The following SNAP47 variants were observed in gnomAD, a reference collection of about 807,000 sequenced individuals.
The protein encoded by SNAP47 is synaptosomal-associated protein 47.
In SNAP47, 20 loss-of-function variants were observed where a neutral mutation model predicts 31.4. The observed-to-expected ratio is 0.64, with a 90% CI of 0.45 to 0.93. The LOEUF (loss-of-function observed/expected upper bound fraction) is 0.93, where lower values mean the gene tolerates loss of function less well. Ranked by LOEUF, SNAP47 falls within the 40% of genes least tolerant of loss-of-function variation. The pLI is 0.00. For synonymous variants in SNAP47, 194 were observed against 213.4 expected, an observed-to-expected ratio of 0.91 and a Z score of 0.79; for missense variants, 492 against 528.5, an observed-to-expected ratio of 0.93 and a Z score of 0.68.
At chr1:227,737,619 T>C (rs534507608) in intron 1 of SNAP47, among the ~76,000 whole-genome samples, 1 of 152,278 alleles carries the variant, frequency 6.6e-6, no homozygotes, top group South Asian at 2.1e-4. Flanking sequence ...CTAGGAGTGC[T>C]GGGGCTCTGA....
intron 1 of SNAP47, chr1:227,736,502 GTTTTTTTTTTTTTTTTTTTTTT>G (rs71180760): frequency 4.5e-5 from 2 of 44,372 alleles, no homozygotes; most frequent in African/African-American, 8.8e-5. Flanking sequence ...GCCCAGAGCA[GTTTTTTTTTTTTTTTTTTTTTT>G]TTTTTTTTTT....
At chr1:227,751,956 G>C (rs1662400402) in intron 2 of SNAP47, among the ~76,000 whole-genome samples, 1 of 151,814 alleles carries the variant, frequency 6.6e-6, no homozygotes, top group East Asian at 1.9e-4. Flanking sequence ...TAGTAGAGAT[G>C]GGGTTTCACC....
intron 1 of SNAP47, among the ~76,000 whole-genome samples, chr1:227,736,645 A>G (rs987565359): frequency 2.0e-5 from 3 of 147,180 alleles, no homozygotes; most frequent in Admixed American, 1.4e-4. Context: ...GACTACAGGC[A>G]TGAGCCACTA....
At chr1:227,774,252 C>T (rs1460456953) in intron 4 of SNAP47, among the ~76,000 whole-genome samples, 2 of 152,258 alleles carry the variant, frequency 1.3e-5, no homozygotes, top group Non-Finnish European at 2.9e-5. Context: ...GGATCCTCTG[C>T]TTAGCTGTTC....
intron 4 of SNAP47, among the ~76,000 whole-genome samples, chr1:227,779,148 C>G (rs1664317789): frequency 6.6e-6 from 1 of 152,218 alleles, no homozygotes; most frequent in South Asian, 2.1e-4. Context: ...CATTTGTGAT[C>G]TCATGTGAGC....
At chr1:227,766,121 G>A (rs1338341461) in intron 3 of SNAP47, among the ~76,000 whole-genome samples, 1 of 152,106 alleles carries the variant, frequency 6.6e-6, no homozygotes, top group Non-Finnish European at 1.5e-5. Context: ...TACGGGCTCT[G>A]CTGGCTGAGG....
At chr1:227,767,566 TG>T (rs1663509157) in intron 4 of SNAP47, among the ~76,000 whole-genome samples, 8 of 146,834 alleles carry the variant, frequency 5.4e-5, no homozygotes, top group Non-Finnish European at 9.2e-5. Flanking sequence ...TTGTGTGTGT[TG>T]TGTGTGTATG....
upstream of SNAP47, among the ~76,000 whole-genome samples, chr1:227,730,213 C>T (rs1660551332): frequency 6.6e-6 from 1 of 152,170 alleles, no homozygotes; most frequent in Non-Finnish European, 1.5e-5. Flanking sequence ...AGGTTGGTTC[C>T]CAGGGAGACG....
At chr1:227,751,823 G>A (rs574980075) in intron 2 of SNAP47, among the ~76,000 whole-genome samples, 1 of 130,310 alleles carries the variant, frequency 7.7e-6, no homozygotes, top group Admixed American at 9.4e-5. Context: ...GAGTGCAGTG[G>A]CGCGATCTCT....
intron 1 of SNAP47, chr1:227,745,783 C>T (rs1387111919): frequency 6.6e-6 from 1 of 152,202 alleles, no homozygotes; most frequent in Non-Finnish European, 1.5e-5. Context: ...ACCTCTGCCC[C>T]CAGAGGAGAC....
chr1:227,742,976 G>A (rs1661712512), intron 1 of SNAP47, among the ~76,000 whole-genome samples: 1 of 152,190 alleles, frequency 6.6e-6, no homozygotes, highest in Non-Finnish European at 1.5e-5. Flanking sequence ...CCCTGGTGGG[G>A]AGTGGGTGGC....
chr1:227,771,220 A>G (rs1663781914), intron 4 of SNAP47, among the ~76,000 whole-genome samples: 1 of 152,136 alleles, frequency 6.6e-6, no homozygotes, highest in African/African-American at 2.4e-5. Flanking sequence ...CAGGAGGTCA[A>G]TATTTTGGGG....
intron 4 of SNAP47, chr1:227,776,070 T>A: frequency 1.7e-6 from 2 of 1,188,410 alleles, no homozygotes; most frequent in Non-Finnish European, 2.1e-6. Context: ...GTTTCTTTGT[T>A]CAGGTTGTGC....
intron 1 of SNAP47, among the ~76,000 whole-genome samples, chr1:227,744,442 G>A (rs576272981): frequency 6.6e-6 from 1 of 152,306 alleles, no homozygotes; most frequent in South Asian, 2.1e-4. Flanking sequence ...CCACATCAGC[G>A]TAGAAGTTAA....
At chr1:227,731,912 A>G (rs984093297), upstream of SNAP47, 4 of 167,464 alleles carry the variant, frequency 2.4e-5, no homozygotes, top group African/African-American at 4.8e-5. Context: ...CATCACCTGG[A>G]GGTGATGGAG....
intron 4 of SNAP47, among the ~76,000 whole-genome samples, chr1:227,769,679 G>T (rs1464491337): frequency 6.6e-6 from 1 of 152,140 alleles, no homozygotes; most frequent in African/African-American, 2.4e-5. Context: ...CTGTCTCTGG[G>T]GCCCTGGCCA....
intron 4 of SNAP47, among the ~76,000 whole-genome samples, chr1:227,773,343 G>A (rs911417176): frequency 6.6e-6 from 1 of 152,048 alleles, no homozygotes; most frequent in East Asian, 1.9e-4. Flanking sequence ...AGAATATAAA[G>A]AAAAATTATT....
Position 227,747,704 on chromosome 1 carries a change from C to T in SNAP47, c.-33C>T, listed in dbSNP as rs1358834312. 6.2e-7 allele frequency: 1 copy of T among 1,600,982 alleles called. No individual in the cohort carries two copies. Among genetic ancestry groups the T allele is most frequent in the African/African-American group, 1.3e-5 (1 of 74,668 alleles). On this transcript the variant is annotated 5_prime_UTR_variant, in exon 2 of 5. Coordinates refer to ENST00000617596, the MANE Select transcript of SNAP47 (RefSeq NM_053052.4). ...TCTTCTCCTTCAGAGGCAGAAGAGG[C>T]CTGGACCTTGGCGCACACAGACCCA... is the stretch of plus-strand genomic sequence containing the variant.
chr1:227,776,038 G>C, intron 4 of SNAP47: 1 of 1,199,450 alleles, frequency 8.3e-7, no homozygotes, highest in Non-Finnish European at 1.1e-6. Flanking sequence ...TAAGCTGGCA[G>C]TGTCAGCCAC....
Sources: allele counts gnomAD v4.1 joint callset (sites outside exome capture counted in the v4.1 genomes callset), GRCh38; gene constraint gnomAD v4.1.1; transcripts MANE v1.5; gene names NCBI Gene and HGNC (gene_info 2026-07-23, HGNC 2026-07-21).